Variants in KIF26B observed in about 807,000 individuals in gnomAD.
The protein encoded by KIF26B is kinesin-like protein KIF26B.
KIF26B carries 63 observed loss-of-function variants against 151.2 expected under a neutral mutation model. The ratio of observed to expected loss-of-function variants is 0.42; its 90% CI spans 0.34 to 0.51. The LOEUF is 0.51. Ranked by LOEUF, KIF26B falls within the 20% of genes least tolerant of loss-of-function variation. KIF26B has a pLI of 0.07. For synonymous variants in KIF26B, 1,357 were observed against 1,262.1 expected (o/e 1.08, Z -1.59); for missense variants, 2,813 against 2,913.6 (o/e 0.97, Z 0.79).
At chr1:245,545,074 C>T (rs972168874) in intron 5 of KIF26B, among the ~76,000 whole-genome samples, 2 of 151,750 alleles carry the variant, frequency 1.3e-5, no homozygotes, top group Non-Finnish European at 2.9e-5. Context: ...GGATCCTCTG[C>T]CCCTAGAGCA....
chr1:245,223,701 C>A, intron 2 of KIF26B, among the ~76,000 whole-genome samples: 1 of 152,168 alleles, frequency 6.6e-6, no homozygotes, highest in East Asian at 1.9e-4. Context: ...GTTCTGCAGA[C>A]CTCTTAGGTT....
At chr1:245,331,944 G>A (rs1672123497) in intron 2 of KIF26B, among the ~76,000 whole-genome samples, 1 of 152,032 alleles carries the variant, frequency 6.6e-6, no homozygotes, top group African/African-American at 2.4e-5. Context: ...TGGCCAACAT[G>A]GCAAAACCCC....
intron 3 of KIF26B, among the ~76,000 whole-genome samples, chr1:245,390,842 T>C (rs1673667247): frequency 7.1e-6 from 1 of 141,752 alleles, no homozygotes; most frequent in African/African-American, 2.6e-5. Context: ...TCCAAACCAT[T>C]TGGGAGGCTG....
In KIF26B at chr1:245,540,689, T is replaced by C; in HGVS notation, c.1167-78T>C. 7.5e-7 allele frequency: 1 copy of C among 1,340,684 alleles called. No homozygotes were observed. The highest frequency in any genetic ancestry group is 1.2e-5 in the South Asian group (1 of 85,578). The allele number at this position is 1,340,684 out of a possible 1,614,324, so 83.0% of individuals were successfully genotyped here. A position where few individuals can be genotyped will look rare whatever the true frequency, so the allele number is the denominator to read the frequency against. The stretch of plus-strand genomic sequence containing the variant: ...AGGCCTCAGAAAGAACGAGGGGTTG[T>C]TTAAGAGAAAACGAAGTAAGCCTAG... On this transcript the variant is annotated intron_variant, in intron 4 of 14. Transcript: ENST00000407071. The surrounding 1 kb of genome is among the most constrained non-coding windows in gnomAD (Gnocchi z 4.6).
chr1:245,660,595 C>T (rs1393069704), intron 10 of KIF26B, among the ~76,000 whole-genome samples: 3 of 152,086 alleles, frequency 2.0e-5, no homozygotes, highest in African/African-American at 7.2e-5. Context: ...CCCATCTTGG[C>T]CTCCCAAAGT....
chr1:245,610,496 G>A (rs1477084686), intron 8 of KIF26B, among the ~76,000 whole-genome samples: 1 of 152,142 alleles, frequency 6.6e-6, no homozygotes, highest in Non-Finnish European at 1.5e-5. Context: ...CATGCTGCCG[G>A]TCCAGGGATC....
chr1:245,699,718 C>T (rs577230717), intron 14 of KIF26B, among the ~76,000 whole-genome samples: 2 of 152,332 alleles, frequency 1.3e-5, no homozygotes, highest in African/African-American at 4.8e-5. Flanking sequence ...AAGACTCAGT[C>T]TGTGGGGTGA....
rs2044862536 is a variant in KIF26B, at chr1:245,707,996, T to C, written c.*5390T>C. The C allele has an allele frequency of 6.6e-6, 1 of 152,252 alleles. No homozygotes were observed. Among genetic ancestry groups the C allele is most frequent in the Non-Finnish European group, 1.5e-5 (1 of 68,044 alleles). The allele number at this position is 152,252 out of a possible 1,614,324, so 9.4% of individuals were successfully genotyped here. A position where few individuals can be genotyped will look rare whatever the true frequency, so the allele number is the denominator to read the frequency against. On this transcript the variant is annotated 3_prime_UTR_variant, in exon 15 of 15. Transcript: ENST00000407071. ...TTGGATATATATAGTACCTGTTTTT[T>C]TCCTCTGGAAAAACCAAAGTACTTT... is the stretch of plus-strand genomic sequence containing the variant.
At chr1:245,662,449 TATATATAC>T (rs747566347) in intron 10 of KIF26B, among the ~76,000 whole-genome samples, 2 of 97,092 alleles carry the variant, frequency 2.1e-5, no homozygotes, top group Non-Finnish European at 2.2e-5. Context: ...TATATATATA[TATATATAC>T]ACCCCATGAT....
At chr1:245,532,406 C>T (rs542379563) in intron 4 of KIF26B, among the ~76,000 whole-genome samples, 43 of 151,936 alleles carry the variant, frequency 2.8e-4, no homozygotes, top group Non-Finnish European at 5.4e-4. Flanking sequence ...CCACCATGCC[C>T]AGCTAATTTT....
intron 2 of KIF26B, among the ~76,000 whole-genome samples, chr1:245,221,217 T>C (rs1026135580): frequency 1.3e-5 from 2 of 152,080 alleles, no homozygotes; most frequent in Non-Finnish European, 1.5e-5. Context: ...ACAGGGGAGC[T>C]AATGTCACCA....
chr1:245,249,646 C>G (rs1472458675), intron 2 of KIF26B, among the ~76,000 whole-genome samples: 4 of 152,028 alleles, frequency 2.6e-5, no homozygotes, highest in Non-Finnish European at 5.9e-5. Context: ...CCACGCCTGG[C>G]TAACTTTTGT....
At chr1:245,336,040 AGG>A (rs1401515342) in intron 2 of KIF26B, among the ~76,000 whole-genome samples, 25 of 132,554 alleles carry the variant, frequency 1.9e-4, no homozygotes, top group African/African-American at 7.4e-4. Flanking sequence ...CAGGGAAAGG[AGG>A]GTCCCACGCA....
At chr1:245,548,695 T>G (rs1661806890) in intron 5 of KIF26B, among the ~76,000 whole-genome samples, 1 of 151,582 alleles carries the variant, frequency 6.6e-6, no homozygotes, top group African/African-American at 2.4e-5. Flanking sequence ...GGAAAACTGT[T>G]AATCAGAATT....
intron 10 of KIF26B, among the ~76,000 whole-genome samples, chr1:245,668,148 G>A (rs1028068882): frequency 1.3e-5 from 2 of 152,024 alleles, no homozygotes; most frequent in South Asian, 4.2e-4. Flanking sequence ...AGCCTGCCTC[G>A]GCCTCCCAAA....
At chr1:245,450,753 T>A (rs1381359956) in intron 4 of KIF26B, among the ~76,000 whole-genome samples, 1 of 152,224 alleles carries the variant, frequency 6.6e-6, no homozygotes, top group East Asian at 1.9e-4. Flanking sequence ...CATTAGCTTT[T>A]CTTTGAAGAT....
intron 4 of KIF26B, among the ~76,000 whole-genome samples, chr1:245,438,773 C>A (rs480394): frequency 0.77 from 117,489 of 152,190 alleles, 45,532 homozygotes; most frequent in East Asian, 0.95. Context: ...TGGTAAGCGA[C>A]GGAAACCAGA....
In KIF26B at chr1:245,615,739, G is replaced by A. The variant is rs77979416; in HGVS notation, c.2098+3763G>A. Among the ~76,000 whole-genome samples the A allele has an allele frequency of 6.5e-3, 986 of 152,318 alleles. 16 individuals carry two copies. Among genetic ancestry groups the A allele is most frequent in the African/African-American group, 0.023 (948 of 41,572 alleles). On this transcript the variant is annotated intron_variant, in intron 9 of 14. Coordinates refer to ENST00000407071, the MANE Select transcript of KIF26B (RefSeq NM_018012.4). Reference sequence around the variant, plus strand: ...GAACAAAGAAGGGGAAGGAGTCCAGGGGTCGTGCGATCGGCAGACCTGGGG... The same window carrying A: ...GAACAAAGAAGGGGAAGGAGTCCAGAGGTCGTGCGATCGGCAGACCTGGGG...
Position 245,664,236 on chromosome 1 carries a change from C to T in KIF26B, c.2258+17956C>T, listed in dbSNP as rs533884196. On this transcript the variant is annotated intron_variant, in intron 10 of 14. Transcript: ENST00000407071. ...ATACAACATTAGCCGGGCATGGTGGCGGGCGCCTGTAATCCCAGCAACTGA... is the reference window on the plus strand; with the variant it reads ...ATACAACATTAGCCGGGCATGGTGGTGGGCGCCTGTAATCCCAGCAACTGA... 9.9e-5 allele frequency among the ~76,000 whole-genome samples: 15 copies of T among 151,804 alleles called. No homozygotes were observed. The South Asian group carries it at 2.1e-3, about 21-fold the overall frequency.
Sources: gnomAD v4.1 joint callset for allele counts (sites outside exome capture counted in the v4.1 genomes callset) on GRCh38, gnomAD v4.1.1 for gene constraint, Gnocchi (gnomAD v3.1) non-coding constraint, MANE v1.5 for transcripts, NCBI Gene and HGNC (gene_info 2026-07-23, HGNC 2026-07-21) for gene names.